The following C10orf90 variants were observed in gnomAD, a reference collection of about 807,000 sequenced individuals.
The protein encoded by C10orf90 is (E2-independent) E3 ubiquitin-conjugating enzyme FATS.
Under a neutral mutation model 62.5 loss-of-function variants are expected in C10orf90, and 56 were observed. The observed-to-expected ratio is 0.90, with a 90% CI of 0.72 to 1.12. C10orf90 has a LOEUF of 1.12. Ranked by LOEUF, C10orf90 falls within the 50% of genes most tolerant of loss-of-function variation. The pLI is 0.00. For synonymous variants in C10orf90, 386 were observed against 340.4 expected (o/e 1.13, Z -1.47); for missense variants, 970 against 880.4 (o/e 1.10, Z -1.29).
intron 2 of C10orf90, among the ~76,000 whole-genome samples, chr10:126,588,212 G>A (rs1844911586): frequency 6.6e-6 from 1 of 152,252 alleles, no homozygotes; most frequent in Non-Finnish European, 1.5e-5. Flanking sequence ...CTGGGACAGA[G>A]TCCCCAGGGG....
intron 2 of C10orf90, chr10:126,524,734 C>A: frequency 1.0e-6 from 1 of 985,530 alleles, no homozygotes; most frequent in Non-Finnish European, 1.2e-6. Context: ...AGTGCACGCA[C>A]CTGTATGGCC....
chr10:126,428,401 T>A (rs1206210444), intron 8 of C10orf90, among the ~76,000 whole-genome samples: 1 of 152,056 alleles, frequency 6.6e-6, no homozygotes, highest in Non-Finnish European at 1.5e-5. Flanking sequence ...ATATAATTAA[T>A]AGCAAAGAAT....
chr10:126,655,483 C>T (rs1186048630), intron 1 of C10orf90, among the ~76,000 whole-genome samples: 1 of 152,114 alleles, frequency 6.6e-6, no homozygotes, highest in Non-Finnish European at 1.5e-5. Context: ...TTGACCAATA[C>T]AATTGCCACA....
At chr10:126,622,613 G>A (rs942768808) in intron 2 of C10orf90, among the ~76,000 whole-genome samples, 19 of 152,310 alleles carry the variant, frequency 1.2e-4, no homozygotes, top group African/African-American at 4.6e-4. Flanking sequence ...TGTCAATAGT[G>A]CTAAGGTTGA....
chr10:126,599,679 G>C (rs1432888843), intron 2 of C10orf90, among the ~76,000 whole-genome samples: 1 of 152,034 alleles, frequency 6.6e-6, no homozygotes, highest in Non-Finnish European at 1.5e-5. Flanking sequence ...ATTAAAGGTG[G>C]ATTAGAAACC....
At position 126,670,560 on chromosome 10, in the gene C10orf90, C is replaced by G. The variant is rs1846730021; in HGVS notation, c.-80G>C. 1 of 426,696 alleles carries G rather than the reference C, an allele frequency of 2.3e-6. No individual in the cohort carries two copies. Among genetic ancestry groups the G allele is most frequent in the South Asian group, 1.7e-5 (1 of 58,400 alleles). The allele number at this position is 426,696 out of a possible 1,614,324, so 26.4% of individuals were successfully genotyped here. A position where few individuals can be genotyped will look rare whatever the true frequency, so the allele number is the denominator to read the frequency against. On this transcript the variant is annotated 5_prime_UTR_variant, in exon 1 of 10. Transcript: ENST00000488181. ...TGTTTAACCCAGGTATTGAGTGCAA[C>G]AGGAGGGACTTGGGCAGTGCCCCAG...
chr10:126,551,787 C>A (rs182655403), intron 2 of C10orf90, among the ~76,000 whole-genome samples: 235 of 152,314 alleles, frequency 1.5e-3, no homozygotes, highest in Non-Finnish European at 2.6e-3. Flanking sequence ...TGATAAGGGC[C>A]TTGCACGCTT....
At chr10:126,500,534 GTGA>G (rs763435008) in intron 4 of C10orf90, among the ~76,000 whole-genome samples, 12 of 152,298 alleles carry the variant, frequency 7.9e-5, no homozygotes, top group Admixed American at 6.5e-4. Flanking sequence ...GATGATGATG[GTGA>G]TGATGACAAG....
intron 2 of C10orf90, among the ~76,000 whole-genome samples, chr10:126,620,179 T>C (rs1232680912): frequency 6.6e-6 from 1 of 152,228 alleles, no homozygotes; most frequent in African/African-American, 2.4e-5. Context: ...TCTTATGTTT[T>C]TCCCATTCCA....
chr10:126,448,172 A>C (rs1236678810), intron 7 of C10orf90, among the ~76,000 whole-genome samples: 1 of 151,740 alleles, frequency 6.6e-6, no homozygotes, highest in East Asian at 1.9e-4. Context: ...ACCCGGCCAC[A>C]TATCAAGTAT....
rs538975637 is a variant in C10orf90, at chr10:126,563,055, G to A, written c.314-49116C>T. On this transcript the variant is annotated intron_variant, in intron 2 of 9. Transcript: ENST00000488181. The stretch of plus-strand genomic sequence containing the variant: ...GCACATGATGTCACATTGATGACTT[G>A]AAACCAGCCCCGGAGTATTTACACC... Among the ~76,000 whole-genome samples, 49 of 152,334 alleles carry A rather than the reference G, an allele frequency of 3.2e-4. 1 individual carries two copies. In the South Asian group the frequency reaches 9.7e-3, roughly 30 times the overall value.
At chr10:126,527,656 CCTAA>C (rs1863986160) in intron 2 of C10orf90, among the ~76,000 whole-genome samples, 1 of 152,176 alleles carries the variant, frequency 6.6e-6, no homozygotes, top group Admixed American at 6.5e-5. Context: ...AGACAAGTCA[CCTAA>C]CTTCTCTAGG....
rs1564874218 is a variant in C10orf90, at chr10:126,565,217, T to TTTATATTACATATTATGTAATATAATA, written c.314-51279_314-51278insTATTATATTACATAATATGTAATATAA. On this transcript the variant is annotated intron_variant, in intron 2 of 9. Coordinates refer to ENST00000488181, the MANE Select transcript of C10orf90 (RefSeq NM_001350921.2). ...TATATTACATATTATGTAATATAAT[T>TTTATATTACATATTATGTAATATAATA]TTTATATTACATATTATGTAATATA... Among the ~76,000 whole-genome samples the TTTATATTACATATTATGTAATATAATA allele has an allele frequency of 1.4e-3, 24 of 17,376 alleles. 6 individuals carry two copies. Among genetic ancestry groups the TTTATATTACATATTATGTAATATAATA allele is most frequent in the African/African-American group, 2.7e-3 (20 of 7,290 alleles). The allele number at this position is 17,376 out of a possible 152,430, so 11.4% of individuals were successfully genotyped here. A position where few individuals can be genotyped will look rare whatever the true frequency, so the allele number is the denominator to read the frequency against.
At chr10:126,483,766 A>G (rs1861283108) in intron 4 of C10orf90, among the ~76,000 whole-genome samples, 1 of 152,182 alleles carries the variant, frequency 6.6e-6, no homozygotes, top group African/African-American at 2.4e-5. Context: ...GAGGCCTGAA[A>G]TCTTTGGTGT....
intron 2 of C10orf90, among the ~76,000 whole-genome samples, chr10:126,626,742 G>A (rs1175398222): frequency 6.6e-6 from 1 of 152,172 alleles, no homozygotes; most frequent in African/African-American, 2.4e-5. Context: ...TGCAATGGCT[G>A]CTGCTGGCAA....
intron 6 of C10orf90, among the ~76,000 whole-genome samples, chr10:126,459,746 A>G (rs975952804): frequency 3.3e-5 from 5 of 152,212 alleles, no homozygotes; most frequent in African/African-American, 4.8e-5. Context: ...CTGGGTAGAA[A>G]GAGCTGGGAG....
intron 3 of C10orf90, among the ~76,000 whole-genome samples, chr10:126,511,144 A>G (rs1213832605): frequency 1.3e-5 from 2 of 152,152 alleles, no homozygotes; most frequent in Admixed American, 6.5e-5. Context: ...GGGGCATTTC[A>G]TCTCGAATGG....
intron 4 of C10orf90, chr10:126,470,263 T>C: frequency 2.9e-6 from 1 of 347,522 alleles, no homozygotes; most frequent in Non-Finnish European, 5.7e-6. Flanking sequence ...ATGGAGGCCA[T>C]GAAAGAGGAA....
intron 2 of C10orf90, among the ~76,000 whole-genome samples, chr10:126,583,388 C>A (rs1282570716): frequency 6.6e-6 from 1 of 152,134 alleles, no homozygotes; most frequent in Non-Finnish European, 1.5e-5. Context: ...AGTCATCTTC[C>A]TTTATTGGGG....
Sources: gnomAD v4.1 joint callset for allele counts (sites outside exome capture counted in the v4.1 genomes callset) on GRCh38, gnomAD v4.1.1 for gene constraint, MANE v1.5 for transcripts, NCBI Gene and HGNC (gene_info 2026-07-23, HGNC 2026-07-21) for gene names.